GLIS1: variants seen among roughly 807,000 people sequenced by gnomAD.
GLIS1 encodes zinc finger protein GLIS1.
GLIS1 carries 24 observed loss-of-function variants against 63.8 expected under a neutral mutation model. The ratio of observed to expected loss-of-function variants is 0.38; its 90% CI spans 0.27 to 0.53. The LOEUF is 0.53. Among genes scored for constraint, GLIS1 ranks in the 20% least tolerant of loss-of-function variants. The pLI is 0.85. For synonymous variants in GLIS1, 450 were observed against 482.5 expected, an observed-to-expected ratio of 0.93 and a Z score of 0.88; for missense variants, 1,036 against 1,074.1, an observed-to-expected ratio of 0.96 and a Z score of 0.50.
chr1:53,575,885 G>A (rs4926603), intron 4 of GLIS1, among the ~76,000 whole-genome samples: 15,162 of 152,144 alleles, frequency 0.1, 844 homozygotes, highest in South Asian at 0.16. Context: ...ACAGTCAGGA[G>A]GAGATCAAAG....
chr1:53,517,265 T>C (rs968712787), intron 7 of GLIS1, among the ~76,000 whole-genome samples: 3 of 152,024 alleles, frequency 2.0e-5, no homozygotes, highest in Admixed American at 2.0e-4. Context: ...TGCTGGCTGC[T>C]GTGAGACCCA....
At chr1:53,557,537 C>A (rs763670384) in intron 4 of GLIS1, among the ~76,000 whole-genome samples, 1 of 152,142 alleles carries the variant, frequency 6.6e-6, no homozygotes, top group African/African-American at 2.4e-5. Flanking sequence ...GCGGCAAGGG[C>A]AGCAGCAGGT....
intron 2 of GLIS1, among the ~76,000 whole-genome samples, chr1:53,720,954 C>T (rs1015345329): frequency 4.0e-5 from 6 of 151,270 alleles, no homozygotes; most frequent in Non-Finnish European, 7.4e-5. Context: ...GCCGAGATCA[C>T]GCCACTGCAC....
chr1:53,511,050 C>T lies in GLIS1; in HGVS notation c.1884-1023G>A, dbSNP rs2100256167. 6.6e-6 allele frequency among the ~76,000 whole-genome samples: 1 copy of T among 152,376 alleles called. No individual in the cohort carries two copies. Among genetic ancestry groups the T allele is most frequent in the Non-Finnish European group, 1.5e-5 (1 of 68,038 alleles). ...CCAGGTTCCCTTCTCATGCTACCTT[C>T]CTAAGCCCCTGGGCCCCGTTCACAG... On this transcript the variant is annotated intron_variant, in intron 8 of 10. Transcript: ENST00000628545. This position sits in a 1 kb window ranked among gnomAD's most constrained non-coding sequence, Gnocchi z 4.2.
chr1:53,660,950 G>A (rs1303852417), intron 2 of GLIS1, among the ~76,000 whole-genome samples: 1 of 152,232 alleles, frequency 6.6e-6, no homozygotes, highest in African/African-American at 2.4e-5. Flanking sequence ...AGGTGGCCAT[G>A]CAGGATGGGA....
At chr1:53,593,781 A>G (rs773427019) in intron 4 of GLIS1, among the ~76,000 whole-genome samples, 1 of 152,200 alleles carries the variant, frequency 6.6e-6, no homozygotes, top group Non-Finnish European at 1.5e-5. Flanking sequence ...AAACACATGA[A>G]AGAAGAGGCT....
At chr1:53,719,529 G>A (rs932449069) in intron 2 of GLIS1, among the ~76,000 whole-genome samples, 1 of 152,204 alleles carries the variant, frequency 6.6e-6, no homozygotes, top group Non-Finnish European at 1.5e-5. Flanking sequence ...AATGCCTACT[G>A]TTAAGATCCA....
At chr1:53,626,504 A>C (rs1645595594) in intron 2 of GLIS1, among the ~76,000 whole-genome samples, 1 of 152,222 alleles carries the variant, frequency 6.6e-6, no homozygotes, top group African/African-American at 2.4e-5. Context: ...TGACCTGAGA[A>C]GTCTCACAAT....
intron 2 of GLIS1, among the ~76,000 whole-genome samples, chr1:53,622,061 C>T (rs1645548787): frequency 6.6e-6 from 1 of 151,986 alleles, no homozygotes. Context: ...GCTGGGATTA[C>T]AGACGTGCCA....
chr1:53,694,064 A>G (rs1228585305), intron 2 of GLIS1, among the ~76,000 whole-genome samples: 2 of 152,224 alleles, frequency 1.3e-5, no homozygotes, highest in Admixed American at 1.3e-4. Context: ...GAGACAGGCA[A>G]CAGGCGGCCA....
At position 53,509,299 on chromosome 1, in the gene GLIS1, G is replaced by A. The variant is rs1478146611; in HGVS notation, c.2063-12C>T. ...ACTGCCCTGGTAACCTGCAGACGGG[G>A]GTAGCAGGGGCCGCGTTCACAAAGG... On this transcript the variant is annotated splice_polypyrimidine_tract_variant and intron_variant, in intron 9 of 10. Transcript: ENST00000628545. 6.4e-7 allele frequency: 1 copy of A among 1,557,522 alleles called. No homozygotes were observed. Among genetic ancestry groups the A allele is most frequent in the Non-Finnish European group, 8.7e-7 (1 of 1,145,606 alleles).
intron 4 of GLIS1, among the ~76,000 whole-genome samples, chr1:53,577,574 C>T (rs1645045047): frequency 1.3e-5 from 2 of 152,184 alleles, no homozygotes; most frequent in African/African-American, 4.8e-5. Flanking sequence ...GGGTCCAGCC[C>T]CTATCCACCT....
chr1:53,645,589 C>A (rs1188357456), intron 2 of GLIS1, among the ~76,000 whole-genome samples: 1 of 152,194 alleles, frequency 6.6e-6, no homozygotes, highest in Non-Finnish European at 1.5e-5. Context: ...GGATGGCCTG[C>A]CCAACAGCAA....
intron 2 of GLIS1, among the ~76,000 whole-genome samples, chr1:53,678,671 G>A (rs1318112843): frequency 1.3e-5 from 2 of 152,070 alleles, no homozygotes; most frequent in Non-Finnish European, 2.9e-5. Flanking sequence ...TGCTGAGTTC[G>A]AGCCCTGAGT....
At position 53,518,039 on chromosome 1, in the gene GLIS1, G is replaced by A. The variant is rs943729898; in HGVS notation, c.1726+2595C>T. ...AAAGCTGTGTCATCAATCATCAGCC[G>A]TGAGCGCTTAACCTCTGGCCCTAAC... On this transcript the variant is annotated intron_variant, in intron 7 of 10. Coordinates refer to ENST00000628545, the MANE Select transcript of GLIS1 (RefSeq NM_001367484.1). Among the ~76,000 whole-genome samples, 8 of 152,246 alleles carry A rather than the reference G, an allele frequency of 5.3e-5. No homozygotes were observed. The South Asian group carries it at 6.2e-4, about 12-fold the overall frequency.
At position 53,594,283 on chromosome 1, in the gene GLIS1, T is replaced by C. The variant is rs201038184; in HGVS notation, c.1145A>G (p.Glu382Gly). The change falls in exon 4 of 11, where the codon GAG becomes GGG. Residue 382 changes from glutamate to glycine, a missense_variant. Transcript: ENST00000628545. ...CRWVDCCAAY[E>G]QQEELVRHIE... ...GTGCCGCACCAGCTCCTCCTGCTGC[T>C]CATAGGCTGCACAGCAGTCCACCCA... is the stretch of plus-strand genomic sequence containing the variant. 7.3e-5 allele frequency: 118 copies of C among 1,613,062 alleles called. No homozygotes were observed. The highest frequency in any genetic ancestry group is 9.5e-5 in the Non-Finnish European group (112 of 1,179,952).
chr1:53,668,969 T>A (rs1290636416), intron 2 of GLIS1, among the ~76,000 whole-genome samples: 1 of 152,214 alleles, frequency 6.6e-6, no homozygotes, highest in East Asian at 1.9e-4. Context: ...CATTTTATTT[T>A]ACAAGGTGCT....
intron 2 of GLIS1, among the ~76,000 whole-genome samples, chr1:53,707,077 G>C (rs932324087): frequency 6.6e-6 from 1 of 152,092 alleles, no homozygotes; most frequent in East Asian, 1.9e-4. Context: ...CCTCATATGG[G>C]GGATGCAGGA....
chr1:53,552,009 C>T (rs566146420), intron 4 of GLIS1, among the ~76,000 whole-genome samples: 68 of 152,210 alleles, frequency 4.5e-4, no homozygotes, highest in Middle Eastern at 6.8e-3. Context: ...ATCACACCCC[C>T]AAACAAACTC....
Sources: allele counts gnomAD v4.1 joint callset (sites outside exome capture counted in the v4.1 genomes callset), GRCh38; gene constraint gnomAD v4.1.1; non-coding constraint Gnocchi (gnomAD v3.1); transcripts MANE v1.5; gene names NCBI Gene and HGNC (gene_info 2026-07-23, HGNC 2026-07-21).